Variants in GYG1 observed in about 807,000 individuals in gnomAD.
GYG1 encodes glycogenin-1.
A neutral mutation model predicts 41.9 loss-of-function variants in GYG1; 44 were observed. That is an observed-to-expected ratio of 1.05 (90% CI 0.83 to 1.35). The LOEUF is 1.35. Among genes scored for constraint, GYG1 ranks in the 40% most tolerant of loss-of-function variants. The pLI is 0.00. For missense variants in GYG1, 429 were observed against 418.9 expected, an observed-to-expected ratio of 1.02 and a Z score of -0.21; for synonymous variants, 141 against 158.1, an observed-to-expected ratio of 0.89 and a Z score of 0.81.
intron 5 of GYG1, among the ~76,000 whole-genome samples, chr3:149,023,460 A>G (rs1420615725): frequency 3.3e-5 from 5 of 152,330 alleles, no homozygotes; most frequent in African/African-American, 7.2e-5. Flanking sequence ...TCTTTAGGGT[A>G]TATGCTTAGG....
intron 5 of GYG1, among the ~76,000 whole-genome samples, chr3:149,020,076 T>C (rs1292591971): frequency 6.6e-6 from 1 of 151,958 alleles, no homozygotes; most frequent in Non-Finnish European, 1.5e-5. Context: ...CACAGTCTAC[T>C]TGTGGGTCAC....
At chr3:149,017,775 T>G (rs1714153871) in intron 5 of GYG1, among the ~76,000 whole-genome samples, 1 of 150,234 alleles carries the variant, frequency 6.7e-6, no homozygotes, top group Admixed American at 6.6e-5. Context: ...AGCTAGTTTT[T>G]TTTTTTTTTT....
At chr3:148,991,676 C>T in intron 1 of GYG1, 29 bp downstream of exon 1, 1 of 1,493,406 alleles carries the variant, frequency 6.7e-7, no homozygotes, top group Non-Finnish European at 8.9e-7. Flanking sequence ...CCGCCGCCAG[C>T]CCCGGGACCC....
intron 5 of GYG1, among the ~76,000 whole-genome samples, chr3:149,012,997 TTGTGTGTGTGTGTGTGTGTGTG>T (rs10575910): frequency 7.1e-6 from 1 of 141,368 alleles, no homozygotes; most frequent in Non-Finnish European, 1.5e-5. Context: ...CTCAGTTAAT[TTGTGTGTGTGTGTGTGTGTGTG>T]TGTGTGTGTG....
At chr3:149,024,348 A>G (rs1266978338) in intron 6 of GYG1, 76 bp downstream of exon 6, 11 of 893,630 alleles carry the variant, frequency 1.2e-5, no homozygotes, top group African/African-American at 8.2e-5. Context: ...GAGATGTGGA[A>G]TATTTAGCAG....
At chr3:149,016,786 G>A (rs769054330) in intron 5 of GYG1, among the ~76,000 whole-genome samples, 2 of 152,298 alleles carry the variant, frequency 1.3e-5, no homozygotes, top group East Asian at 3.9e-4. Flanking sequence ...TCCTAACTTA[G>A]ATTGTGAGTG....
intron 5 of GYG1, among the ~76,000 whole-genome samples, chr3:149,012,063 T>C (rs1423155964): frequency 6.6e-6 from 1 of 152,264 alleles, no homozygotes; most frequent in African/African-American, 2.4e-5. Context: ...GCTTTTCTTG[T>C]GGAGACCCAT....
chr3:149,000,982 CAG>C (rs1559836177), intron 4 of GYG1: 1 of 152,118 alleles, frequency 6.6e-6, no homozygotes, highest in African/African-American at 2.4e-5. Flanking sequence ...TAATGTTTAA[CAG>C]AAATGATTTG....
chr3:149,016,281 AAAG>A, intron 5 of GYG1, among the ~76,000 whole-genome samples: 1 of 150,898 alleles, frequency 6.6e-6, no homozygotes, highest in East Asian at 2.0e-4. Flanking sequence ...AAAAAACAAA[AAAG>A]AAAAAAAAAA....
Position 148,992,298 on chromosome 3 carries a change from T to C in GYG1, c.7+651T>C, listed in dbSNP as rs190335643. 20 of 153,074 alleles carry C rather than the reference T, an allele frequency of 1.3e-4. No individual in the cohort carries two copies. The East Asian group carries it at 2.9e-3, about 22-fold the overall frequency. The allele number at this position is 153,074 out of a possible 1,614,324, so 9.5% of individuals were successfully genotyped here. A position where few individuals can be genotyped will look rare whatever the true frequency, so the allele number is the denominator to read the frequency against. ...CCACTCCACGAGTTAGCCCCAGCAC[T>C]GGGAAGCTCCGAGTTAGCTGGTCCT... On this transcript the variant is annotated intron_variant, in intron 1 of 7. Transcript: ENST00000345003.
At chr3:149,023,965 A>C in intron 5 of GYG1, 88 bp from the exon 6 acceptor site, 1 of 884,528 alleles carries the variant, frequency 1.1e-6, no homozygotes. Context: ...TAAGAAAGAA[A>C]GCTATAGAAA....
In GYG1 at chr3:149,029,047, CTAT is replaced by C. The variant is rs371098773; in HGVS notation, c.*2120_*2122del. ...TTAAATTTCAAATAAGTAGTGAAGGCTATTATTAACTTTTGGAATCAGAAAGAA... is the reference window on the plus strand; with the variant it reads ...TTAAATTTCAAATAAGTAGTGAAGGCTATTAACTTTTGGAATCAGAAAGAA... On this transcript the variant is annotated 3_prime_UTR_variant, in exon 8 of 8. Transcript: ENST00000345003. Among the ~76,000 whole-genome samples, 660 of 152,272 alleles carry C rather than the reference CTAT, an allele frequency of 4.3e-3. 7 individuals carry two copies. Among genetic ancestry groups the C allele is most frequent in the Middle Eastern group, 0.024 (7 of 294 alleles).
chr3:149,013,787 C>T (rs539391561), intron 5 of GYG1, among the ~76,000 whole-genome samples: 1 of 152,116 alleles, frequency 6.6e-6, no homozygotes, highest in African/African-American at 2.4e-5. Flanking sequence ...TTCTTCGCTC[C>T]CTGAGACACC....
Position 148,997,051 on chromosome 3 carries a change from ATAT to A in GYG1, c.481+149_481+151del, listed in dbSNP as rs1484163069. On this transcript the variant is annotated intron_variant, in intron 4 of 7. Transcript: ENST00000345003. ...ATTTTAAGTTGTGCTCTTCTGGGAA[ATAT>A]TGTGTGTGTGTGTGTGTGTGTGTGT... 59 of 633,488 alleles carry A rather than the reference ATAT, an allele frequency of 9.3e-5. No individual in the cohort carries two copies. In the Middle Eastern group the frequency reaches 1.6e-3, roughly 17 times the overall value. The allele number at this position is 633,488 out of a possible 1,614,324, so 39.2% of individuals were successfully genotyped here. A position where few individuals can be genotyped will look rare whatever the true frequency, so the allele number is the denominator to read the frequency against.
chr3:149,022,409 C>T (rs756870141), intron 5 of GYG1, among the ~76,000 whole-genome samples: 9 of 151,778 alleles, frequency 5.9e-5, no homozygotes, highest in Non-Finnish European at 1.2e-4. Flanking sequence ...ATCATAGCTT[C>T]GCCTTTCCCC....
At chr3:149,007,154 G>A (rs143221043) in intron 4 of GYG1, among the ~76,000 whole-genome samples, 302 of 152,286 alleles carry the variant, frequency 2.0e-3, no homozygotes, top group African/African-American at 6.9e-3. Context: ...GCTGCATGTG[G>A]CAGAAGAGGT....
chr3:149,003,689 A>G lies in GYG1; in HGVS notation c.482-5587A>G, dbSNP rs1352944001. 2.0e-5 allele frequency among the ~76,000 whole-genome samples: 3 copies of G among 152,134 alleles called. No homozygotes were observed. The East Asian group carries it at 5.8e-4, about 29-fold the overall frequency. On this transcript the variant is annotated intron_variant, in intron 4 of 7. Transcript: ENST00000345003. ...TTCTGTAGGTCTGGGGTGGGGCTCA[A>G]CAGTTTGCATTTCTGTCAAGCTCCC...
In GYG1 at chr3:148,996,322, TTGA is replaced by T; in HGVS notation, c.168_170del (p.Asp56del). ...GACAGAAAAGTTTTAGAGACAGTCT[TTGA>T]TGAAGTCATCATGGTAGATGTCTTG... On this transcript the variant is annotated inframe_deletion, in exon 3 of 8. Coordinates refer to ENST00000345003, the MANE Select transcript of GYG1 (RefSeq NM_004130.4). 6.2e-7 allele frequency: 1 copy of T among 1,611,470 alleles called. No individual in the cohort carries two copies. The highest frequency in any genetic ancestry group is 8.5e-7 in the Non-Finnish European group (1 of 1,179,246).
chr3:148,993,346 G>A (rs1712595353), intron 1 of GYG1, among the ~76,000 whole-genome samples: 1 of 151,896 alleles, frequency 6.6e-6, no homozygotes, highest in Non-Finnish European at 1.5e-5. Context: ...GGATGGACCT[G>A]CACCTTCTTC....
Sources: allele counts gnomAD v4.1 joint callset (sites outside exome capture counted in the v4.1 genomes callset), GRCh38; gene constraint gnomAD v4.1.1; transcripts MANE v1.5; gene names NCBI Gene and HGNC (gene_info 2026-07-23, HGNC 2026-07-21).